Variants in CEP164 observed in about 807,000 individuals in gnomAD.
CEP164 encodes centrosomal protein of 164 kDa.
CEP164 carries 162 observed loss-of-function variants against 182.7 expected under a neutral mutation model. That is an observed-to-expected ratio of 0.89 (90% CI 0.78 to 1.01). The LOEUF is 1.01. CEP164 is among the 50% of genes least tolerant of loss of function. The probability of loss-of-function intolerance (pLI) is 0.00; values close to 1 mark genes in which losing one functional copy is unlikely to be tolerated. For missense variants in CEP164, 1,735 were observed against 1,790.4 expected, an observed-to-expected ratio of 0.97 and a Z score of 0.56; for synonymous variants, 661 against 690.0, an observed-to-expected ratio of 0.96 and a Z score of 0.66.
At chr11:117,360,917 C>A (rs2040862317) in intron 5 of CEP164, among the ~76,000 whole-genome samples, 1 of 151,152 alleles carries the variant, frequency 6.6e-6, no homozygotes, top group Admixed American at 6.6e-5. Context: ...CTTTCCCCTC[C>A]CGCATCCTTC....
chr11:117,397,820 G>A (rs576492347), intron 27 of CEP164, among the ~76,000 whole-genome samples: 13 of 152,200 alleles, frequency 8.5e-5, no homozygotes, highest in Middle Eastern at 3.4e-3. Context: ...GGAAATTATG[G>A]GAGTACAATT....
chr11:117,402,001 T>A (rs564202284), intron 27 of CEP164, among the ~76,000 whole-genome samples: 1 of 152,306 alleles, frequency 6.6e-6, no homozygotes, highest in South Asian at 2.1e-4. Flanking sequence ...TAGTTATTTC[T>A]TGTCTTCTGC....
rs780381078 is a variant in CEP164 at position 117,361,865 on chromosome 11, G to C, written c.424G>C (p.Val142Leu). ...GGGTTCCTCATTAGCCCCAGTTCAT[G>C]TTCCTCTTGGGGGCCTGGCTCCTTT... ...ALGSSLAPVH[V>L]PLGGLAPLRG... Residue 142 changes from valine to leucine, a missense_variant, in exon 6 of 33, where the codon GTT becomes CTT. By Grantham distance (32) the Val-to-Leu change is conservative. Transcript: ENST00000278935. The C allele has an allele frequency of 1.2e-6, 2 of 1,614,226 alleles. No individual in the cohort carries two copies. Among genetic ancestry groups the C allele is most frequent in the Non-Finnish European group, 1.7e-6 (2 of 1,180,040 alleles).
rs1213502417 is a variant in CEP164, at chr11:117,411,623, T to G, written c.4164-172T>G. 1.2e-6 allele frequency: 1 copy of G among 844,708 alleles called. No individual in the cohort carries two copies. The allele number at this position is 844,708 out of a possible 1,614,324, so 52.3% of individuals were successfully genotyped here. On this transcript the variant is annotated intron_variant, in intron 31 of 32. Transcript: ENST00000278935. The surrounding 1 kb of genome is among the most constrained non-coding windows in gnomAD (Gnocchi z 4.4). ...CTCCACCACTTTCCCGTTTGGGAAC[T>G]GTTCTGGAGGGGCAGATGTTTTGAA...
At position 117,408,931 on chromosome 11, in the gene CEP164, G is replaced by A; in HGVS notation, c.3651G>A (p.Lys1217=). ...CTCTGGGAGGATCCCCCACCAAGAA[G>A]GCAGTAACCTTCGACCTCAGTGACA... ...EGTLGGSPTK[K]AVTFDLSDMD... Residue 1217 remains lysine, a synonymous_variant, in exon 29 of 33, where the codon AAG becomes AAA. Coordinates refer to ENST00000278935, the MANE Select transcript of CEP164 (RefSeq NM_014956.5). 6.2e-7 allele frequency: 1 copy of A among 1,614,156 alleles called. No homozygotes were observed.
intron 12 of CEP164, 101 bp from the exon 13 acceptor site, chr11:117,381,600 G>C: frequency 1.5e-6 from 2 of 1,358,608 alleles, no homozygotes; most frequent in Non-Finnish European, 2.0e-6. Context: ...GCATAACCCA[G>C]GAGGAGGCAA....
At chr11:117,379,053 G>A (rs146436157) in intron 11 of CEP164, among the ~76,000 whole-genome samples, 83 of 152,310 alleles carry the variant, frequency 5.4e-4, no homozygotes, top group Non-Finnish European at 6.6e-4. Context: ...TGAGCATGGT[G>A]TGGTCTGTGG....
At chr11:117,390,719 A>T in intron 15 of CEP164, 58 bp from the exon 16 acceptor site, 1 of 1,607,958 alleles carries the variant, frequency 6.2e-7, no homozygotes, top group Non-Finnish European at 8.5e-7. Context: ...ATAGCTTATG[A>T]ATAGAAGAAA....
chr11:117,349,321 C>T (rs1015320054), intron 4 of CEP164, among the ~76,000 whole-genome samples: 1 of 152,078 alleles, frequency 6.6e-6, no homozygotes, highest in African/African-American at 2.4e-5. Context: ...ATCAATTTAT[C>T]TATCAATGGA....
intron 5 of CEP164, among the ~76,000 whole-genome samples, chr11:117,356,810 C>T (rs563232014): frequency 1.3e-5 from 2 of 152,202 alleles, no homozygotes; most frequent in East Asian, 1.9e-4. Flanking sequence ...TACTCCATCA[C>T]CTGCAAGATA....
chr11:117,335,127 C>A (rs1057374710), intron 1 of CEP164, among the ~76,000 whole-genome samples: 1 of 152,168 alleles, frequency 6.6e-6, no homozygotes, highest in Non-Finnish European at 1.5e-5. Context: ...ATCTGCCACC[C>A]GGGTTCCTGG....
chr11:117,324,477 A>T (rs1052144027), upstream of CEP164, among the ~76,000 whole-genome samples: 1 of 150,692 alleles, frequency 6.6e-6, no homozygotes, highest in African/African-American at 2.5e-5. Flanking sequence ...CATTTTTGTT[A>T]TTTTCCCCCC....
In CEP164 at chr11:117,356,994, C is replaced by G. The variant is rs141994847; in HGVS notation, c.394-4841C>G. Among the ~76,000 whole-genome samples, 798 of 152,316 alleles carry G rather than the reference C, an allele frequency of 5.2e-3. 3 individuals are homozygous for G. The highest frequency in any genetic ancestry group is 0.018 in the African/African-American group (762 of 41,558). On this transcript the variant is annotated intron_variant, in intron 5 of 32. Coordinates refer to ENST00000278935, the MANE Select transcript of CEP164 (RefSeq NM_014956.5). Reference sequence around the variant, plus strand: ...GGGAAGTTTTTCCTATCAGCTGATTCTAGAGAGAGGTCCTTCCTATTTGGA... The same window carrying G: ...GGGAAGTTTTTCCTATCAGCTGATTGTAGAGAGAGGTCCTTCCTATTTGGA...
intron 28 of CEP164, among the ~76,000 whole-genome samples, chr11:117,408,299 C>T (rs968450411): frequency 6.6e-6 from 1 of 152,160 alleles, no homozygotes; most frequent in Non-Finnish European, 1.5e-5. Context: ...GAGGGCCAAG[C>T]CTTTACCCTG....
chr11:117,407,663 TC>T (rs994294263), intron 27 of CEP164, among the ~76,000 whole-genome samples: 2 of 151,790 alleles, frequency 1.3e-5, no homozygotes, highest in African/African-American at 4.8e-5. Context: ...AAAACAATAA[TC>T]ATAATAAATA....
rs185634962 is a variant in CEP164 at position 117,397,762 on chromosome 11, G to A, written c.3501+449G>A. On this transcript the variant is annotated intron_variant, in intron 27 of 32. Coordinates refer to ENST00000278935, the MANE Select transcript of CEP164 (RefSeq NM_014956.5). ...TCACGAGAACAGTATGGGGGAAATG[G>A]CCCCTGTGATTCAAATTATCTCCCA... is the stretch of plus-strand genomic sequence containing the variant. Among the ~76,000 whole-genome samples the A allele has an allele frequency of 2.0e-5, 3 of 152,238 alleles. No homozygotes were observed. In the East Asian group the frequency reaches 5.8e-4, roughly 29 times the overall value.
Position 117,392,241 on chromosome 11 carries a change from G to A in CEP164, c.2299G>A (p.Glu767Lys). ...GERKEAVATL[E>K]KEHSAELERL... Reference sequence around the variant, plus strand: ...TCCTCCCCAGGCTGTGGCAACGCTGGAGAAGGAGCACAGTGCTGAGCTGGA... The same window carrying A: ...TCCTCCCCAGGCTGTGGCAACGCTGAAGAAGGAGCACAGTGCTGAGCTGGA... The change falls in exon 18 of 33, where the codon GAG (glutamate) becomes AAG (lysine). Residue 767 changes from glutamate (E) to lysine (K), a missense_variant. Physicochemically the swap from Glu to Lys is moderately conservative, Grantham distance 56. Coordinates refer to ENST00000278935, the MANE Select transcript of CEP164 (RefSeq NM_014956.5). 6.2e-7 allele frequency: 1 copy of A among 1,608,056 alleles called. No homozygotes were observed. Among genetic ancestry groups the A allele is most frequent in the Non-Finnish European group, 8.5e-7 (1 of 1,176,692 alleles).
intron 5 of CEP164, among the ~76,000 whole-genome samples, chr11:117,359,780 G>A (rs2040723548): frequency 6.6e-6 from 1 of 152,178 alleles, no homozygotes; most frequent in Non-Finnish European, 1.5e-5. Context: ...CTGTGATGGT[G>A]GCAATTTTAT....
intron 3 of CEP164, among the ~76,000 whole-genome samples, chr11:117,343,307 G>A (rs2038386228): frequency 6.6e-6 from 1 of 152,240 alleles, no homozygotes. Flanking sequence ...ATAGTTCCCT[G>A]CCCCTAGGCA....
Sources: gnomAD v4.1 joint callset for allele counts (sites outside exome capture counted in the v4.1 genomes callset) on GRCh38, gnomAD v4.1.1 for gene constraint, Gnocchi (gnomAD v3.1) non-coding constraint, MANE v1.5 for transcripts, NCBI Gene and HGNC (gene_info 2026-07-23, HGNC 2026-07-21) for gene names.